SEMA5B: variants seen among roughly 807,000 people sequenced by gnomAD.
SEMA5B encodes semaphorin 5B, also known as semaphorin-5B.
In SEMA5B, 66 loss-of-function variants were observed where a neutral mutation model predicts 135.0. The observed-to-expected ratio is 0.49, with a 90% confidence interval of 0.40 to 0.60. The LOEUF (loss-of-function observed/expected upper bound fraction) is 0.60. Ranked by LOEUF, SEMA5B falls within the 20% of genes least tolerant of loss-of-function variation. The probability of loss-of-function intolerance (pLI) is 0.00; values close to 1 mark genes in which losing one functional copy is unlikely to be tolerated. For missense variants in SEMA5B, 1,501 were observed against 1,566.3 expected (o/e 0.96, Z 0.70); for synonymous variants, 690 against 639.5 (o/e 1.08, Z -1.19).
intron 1 of SEMA5B, among the ~76,000 whole-genome samples, chr3:122,964,719 G>A (rs144757143): frequency 6.6e-6 from 1 of 152,088 alleles, no homozygotes; most frequent in Non-Finnish European, 1.5e-5. Context: ...TGGTCTCAAG[G>A]CCCCATTGAA....
chr3:123,009,461 C>T (rs994600920), intron 1 of SEMA5B, among the ~76,000 whole-genome samples: 2 of 152,196 alleles, frequency 1.3e-5, no homozygotes, highest in African/African-American at 4.8e-5. Flanking sequence ...CCTTGCACAT[C>T]GTGCCCACCC....
At chr3:122,966,089 C>G (rs1378632501) in intron 1 of SEMA5B, among the ~76,000 whole-genome samples, 2 of 152,176 alleles carry the variant, frequency 1.3e-5, no homozygotes, top group East Asian at 3.9e-4. Context: ...GAAGGCCATG[C>G]TGGAACACCT....
Position 122,912,337 on chromosome 3 carries a change from C to A in SEMA5B, c.2731G>T (p.Gly911Cys). The change falls in exon 19 of 23, where the codon GGT becomes TGT. Residue 911 changes from glycine (G) to cysteine (C), a missense_variant. Gly to Cys is a radical substitution (Grantham distance 159). This residue lies in a region of SEMA5B where 927 missense variants were observed against 881.6 expected (regional missense o/e 1.05). Transcript: ENST00000357599. ...CATGAGGTCCAGCAGGACCAAGCACCCCGAACTGCAAGGGGACGGGGTGTG... is the reference window on the plus strand; with the variant it reads ...CATGAGGTCCAGCAGGACCAAGCACACCGAACTGCAAGGGGACGGGGTGTG... ...DCNPQACPVR[G>C]AWSCWTSWSP... 6.3e-7 allele frequency: 1 copy of A among 1,595,142 alleles called. No individual in the cohort carries two copies. Among genetic ancestry groups the A allele is most frequent in the South Asian group, 1.1e-5 (1 of 87,508 alleles).
intron 19 of SEMA5B, 23 bp from the exon 20 acceptor site, chr3:122,912,092 G>C: frequency 6.2e-7 from 1 of 1,601,424 alleles, no homozygotes; most frequent in Non-Finnish European, 8.5e-7. Context: ...GGTAGGATGA[G>C]GTTAACTGCC....
At chr3:122,998,013 C>CCA (rs1331753409) in intron 1 of SEMA5B, among the ~76,000 whole-genome samples, 1 of 152,212 alleles carries the variant, frequency 6.6e-6, no homozygotes, top group African/African-American at 2.4e-5. Context: ...CCGACGACCG[C>CCA]CATGGTGAGC....
intron 2 of SEMA5B, among the ~76,000 whole-genome samples, chr3:122,955,126 T>C (rs2107580429): frequency 6.6e-6 from 1 of 151,884 alleles, no homozygotes; most frequent in South Asian, 2.1e-4. Context: ...TTTTTTTTTT[T>C]AGACCGTGTC....
At chr3:122,960,852 T>G (rs1262537317) in intron 2 of SEMA5B, among the ~76,000 whole-genome samples, 3 of 152,128 alleles carry the variant, frequency 2.0e-5, no homozygotes, top group Non-Finnish European at 4.4e-5. Flanking sequence ...GGGTGTACAG[T>G]TTCAGTTTTG....
chr3:123,019,316 C>T (rs1942626087), intron 1 of SEMA5B, among the ~76,000 whole-genome samples: 1 of 152,120 alleles, frequency 6.6e-6, no homozygotes, highest in Non-Finnish European at 1.5e-5. Context: ...AATATGTGGG[C>T]CGGGCACAGT....
At chr3:122,978,757 G>A (rs1258039942) in intron 1 of SEMA5B, among the ~76,000 whole-genome samples, 1 of 152,266 alleles carries the variant, frequency 6.6e-6, no homozygotes, top group Non-Finnish European at 1.5e-5. Flanking sequence ...CTTGCGTGAT[G>A]GGGAGTAAAT....
chr3:122,912,945 C>A lies in SEMA5B; in HGVS notation c.2623G>T (p.Val875Phe). 1 of 1,612,700 alleles carries A rather than the reference C, an allele frequency of 6.2e-7. No individual in the cohort carries two copies. Among genetic ancestry groups the A allele is most frequent in the Non-Finnish European group, 8.5e-7 (1 of 1,179,468 alleles). The change falls in exon 18 of 23, where the codon GTC becomes TTC. Residue 875 changes from valine (V) to phenylalanine (F), a missense_variant. Val to Phe is a conservative substitution (Grantham distance 50). Transcript: ENST00000357599. ...GGGTTAGTGCACGTTCTCTTGCGGA[C>A]GCGGAAGCCCAGCTCGCAGTCCCGG... ...CSRDCELGFR[V>F]RKRTCTNPEP...
At chr3:122,956,009 C>T (rs999460335) in intron 2 of SEMA5B, among the ~76,000 whole-genome samples, 23 of 152,198 alleles carry the variant, frequency 1.5e-4, no homozygotes, top group Non-Finnish European at 1.5e-5. Context: ...GGAGACATGT[C>T]TCCAGTGAGC....
At chr3:122,942,137 T>C (rs749092313) in intron 4 of SEMA5B, among the ~76,000 whole-genome samples, 1 of 152,072 alleles carries the variant, frequency 6.6e-6, no homozygotes, top group East Asian at 1.9e-4. Flanking sequence ...AATTTAAAAA[T>C]TAAAAAATTA....
chr3:122,952,408 G>A (rs1331442067), intron 2 of SEMA5B, among the ~76,000 whole-genome samples: 2 of 152,164 alleles, frequency 1.3e-5, no homozygotes, highest in East Asian at 3.9e-4. Context: ...CAGACAACCC[G>A]AGGCCCAGTC....
At chr3:122,961,397 T>A (rs1940574341) in intron 1 of SEMA5B, 96 bp from the exon 2 acceptor site, 1 of 1,065,526 alleles carries the variant, frequency 9.4e-7, no homozygotes, top group Admixed American at 2.6e-5. Context: ...AGGGACCACA[T>A]GGTTGCTGCT....
At chr3:122,980,491 G>A (rs924958581) in intron 1 of SEMA5B, among the ~76,000 whole-genome samples, 14 of 150,376 alleles carry the variant, frequency 9.3e-5, no homozygotes, top group African/African-American at 3.2e-4. Flanking sequence ...CCAAGGAAGC[G>A]CTCCCTGTTT....
In SEMA5B at chr3:122,909,967, T is replaced by C. The variant is rs965740816; in HGVS notation, c.*176A>G. Reference sequence around the variant, plus strand: ...ATATGTCAGCCTGAAACCAGCCCTTTCCCCCATGGTCAATGCCAGCCAGAG... The same window carrying C: ...ATATGTCAGCCTGAAACCAGCCCTTCCCCCCATGGTCAATGCCAGCCAGAG... On this transcript the variant is annotated 3_prime_UTR_variant, in exon 23 of 23. Coordinates refer to ENST00000357599, the MANE Select transcript of SEMA5B (RefSeq NM_001031702.4). The C allele has an allele frequency of 3.1e-5, 20 of 647,144 alleles. No individual in the cohort carries two copies. The highest frequency in any genetic ancestry group is 5.0e-5 in the Non-Finnish European group (19 of 377,108). The allele number at this position is 647,144 out of a possible 1,614,324, so 40.1% of individuals were successfully genotyped here. A position where few individuals can be genotyped will look rare whatever the true frequency, so the allele number is the denominator to read the frequency against.
chr3:122,950,947 T>C (rs527886612), intron 2 of SEMA5B, among the ~76,000 whole-genome samples: 1 of 152,354 alleles, frequency 6.6e-6, no homozygotes, highest in Non-Finnish European at 1.5e-5. Context: ...TATTTTATTT[T>C]TAGAGAGACA....
intron 3 of SEMA5B, among the ~76,000 whole-genome samples, 184 bp downstream of exon 3, chr3:122,948,322 T>A (rs2107550715): frequency 6.6e-6 from 1 of 152,306 alleles, no homozygotes; most frequent in East Asian, 1.9e-4. Context: ...TCCAGCCCAT[T>A]GCTGCCCATC....
Position 122,913,007 on chromosome 3 carries a change from C to A in SEMA5B, c.2561G>T (p.Gly854Val). 2 of 1,603,992 alleles carry A rather than the reference C, an allele frequency of 1.2e-6. No homozygotes were observed. Among genetic ancestry groups the A allele is most frequent in the South Asian group, 1.1e-5 (1 of 90,164 alleles). Residue 854 changes from glycine to valine, a missense_variant, in exon 18 of 23, where the codon GGG (glycine) becomes GTG (valine). Coordinates refer to ENST00000357599, the MANE Select transcript of SEMA5B (RefSeq NM_001031702.4). ...SGSTSPHTVS[G>V]GWAAWGPWSS... ...CCACGGGCCCCAGGCGGCCCAGCCC[C>A]CGCTCACCGTGTGCGGGGAGGTGCT...
Sources: gnomAD v4.1 joint callset for allele counts (sites outside exome capture counted in the v4.1 genomes callset) on GRCh38, gnomAD v4.1.1 for gene constraint, gnomAD v4.1.1 regional missense constraint, MANE v1.5 for transcripts, NCBI Gene and HGNC (gene_info 2026-07-23, HGNC 2026-07-21) for gene names.